TAFA2: variants seen among roughly 807,000 people sequenced by gnomAD.
TAFA2 encodes chemokine-like protein TAFA-2.
Under a neutral mutation model 18.8 loss-of-function variants are expected in TAFA2, and 7 were observed. The ratio of observed to expected loss-of-function variants is 0.37; its 90% confidence interval spans 0.21 to 0.70. The LOEUF (loss-of-function observed/expected upper bound fraction) is 0.70, where lower values mean the gene tolerates loss of function less well. Among genes scored for constraint, TAFA2 ranks in the 30% least tolerant of loss-of-function variants. TAFA2 has a pLI of 0.53. For synonymous variants in TAFA2, 60 were observed against 54.2 expected (o/e 1.11, Z -0.47); for missense variants, 122 against 158.1 (o/e 0.77, Z 1.23).
At chr12:61,981,444 C>T in intron 1 of TAFA2, among the ~76,000 whole-genome samples, 1 of 152,034 alleles carries the variant, frequency 6.6e-6, no homozygotes, top group East Asian at 1.9e-4. Flanking sequence ...GCAGTGAAAA[C>T]CAAAATAGAC....
At chr12:61,879,690 G>A in intron 1 of TAFA2, 1 of 1,096,106 alleles carries the variant, frequency 9.1e-7, no homozygotes, top group South Asian at 1.2e-5. Context: ...GAGGCCAAGT[G>A]GAGCCTCCTG....
chr12:61,831,626 C>T (rs1872723555), intron 2 of TAFA2, among the ~76,000 whole-genome samples: 1 of 152,042 alleles, frequency 6.6e-6, no homozygotes, highest in African/African-American at 2.4e-5. Flanking sequence ...GACTGGCTTT[C>T]CCCCAAATTG....
chr12:62,211,151 C>G (rs2062711520), intron 1 of TAFA2, among the ~76,000 whole-genome samples: 1 of 152,060 alleles, frequency 6.6e-6, no homozygotes, highest in Non-Finnish European at 1.5e-5. Flanking sequence ...CTTTGTCGAG[C>G]ACAATCTAAT....
chr12:61,779,924 A>G (rs551062657), intron 2 of TAFA2, among the ~76,000 whole-genome samples: 1 of 151,890 alleles, frequency 6.6e-6, no homozygotes, highest in South Asian at 2.1e-4. Flanking sequence ...TAATATCTCT[A>G]TTAATGAAGA....
At chr12:61,931,335 G>A (rs1006593426) in intron 1 of TAFA2, among the ~76,000 whole-genome samples, 1 of 152,126 alleles carries the variant, frequency 6.6e-6, no homozygotes, top group Non-Finnish European at 1.5e-5. Context: ...TATGACACAT[G>A]AAAATAATTT....
At chr12:61,727,168 A>G (rs7311455) in intron 4 of TAFA2, among the ~76,000 whole-genome samples, 11,559 of 151,944 alleles carry the variant, frequency 0.076, 1,412 homozygotes, top group African/African-American at 0.26. Context: ...ATGTTCATCA[A>G]GGATATTGAA....
chr12:61,861,628 T>C (rs1248942652), intron 2 of TAFA2, among the ~76,000 whole-genome samples: 3 of 152,104 alleles, frequency 2.0e-5, no homozygotes, highest in Non-Finnish European at 4.4e-5. Flanking sequence ...ATTTCACGGA[T>C]AGTTGGTTGG....
intron 1 of TAFA2, among the ~76,000 whole-genome samples, chr12:62,223,788 T>G (rs1242505012): frequency 6.6e-6 from 1 of 152,148 alleles, no homozygotes; most frequent in Non-Finnish European, 1.5e-5. Flanking sequence ...TTTATCAAGT[T>G]TTTAAATTTT....
At chr12:62,155,995 G>A (rs1277903584) in intron 1 of TAFA2, among the ~76,000 whole-genome samples, 1 of 152,196 alleles carries the variant, frequency 6.6e-6, no homozygotes, top group Non-Finnish European at 1.5e-5. Context: ...ACAGTCAGTA[G>A]AGTAAACAGA....
At chr12:62,241,969 G>A (rs1207752850) in intron 1 of TAFA2, among the ~76,000 whole-genome samples, 2 of 152,208 alleles carry the variant, frequency 1.3e-5, no homozygotes, top group Non-Finnish European at 2.9e-5. Context: ...GATGAAGATA[G>A]TTAAGAGAGT....
chr12:61,809,128 A>G (rs1402919012), intron 2 of TAFA2, among the ~76,000 whole-genome samples: 1 of 151,580 alleles, frequency 6.6e-6, no homozygotes, highest in East Asian at 1.9e-4. Flanking sequence ...GTGTGTGCAT[A>G]AAACAATGCC....
chr12:61,958,776 G>C (rs1878784334), intron 1 of TAFA2, among the ~76,000 whole-genome samples: 1 of 151,724 alleles, frequency 6.6e-6, no homozygotes, highest in Non-Finnish European at 1.5e-5. Flanking sequence ...TTCATACATA[G>C]GTTTTCAATT....
At chr12:61,982,875 G>GGAAAAAAA (rs1592529441) in intron 1 of TAFA2, among the ~76,000 whole-genome samples, 1 of 23,292 alleles carries the variant, frequency 4.3e-5, no homozygotes, top group Non-Finnish European at 1.4e-4. Context: ...CAAGTGGAAG[G>GGAAAAAAA]CAAAAAAAAA....
chr12:61,878,241 C>A (rs566243301), intron 1 of TAFA2: 4 of 350,338 alleles, frequency 1.1e-5, no homozygotes, highest in South Asian at 2.3e-5. Context: ...TGGTAATGTA[C>A]AACATTGTGA....
At chr12:61,825,348 C>T (rs1423700758) in intron 2 of TAFA2, among the ~76,000 whole-genome samples, 1 of 151,914 alleles carries the variant, frequency 6.6e-6, no homozygotes, top group Non-Finnish European at 1.5e-5. Flanking sequence ...AAGTTTAAAA[C>T]CTGGATTAAA....
At position 61,796,234 on chromosome 12, in the gene TAFA2, A is replaced by AT. The variant is rs1227722740; in HGVS notation, c.107-41211_107-41210insA. Among the ~76,000 whole-genome samples, 81 of 152,310 alleles carry AT rather than the reference A, an allele frequency of 5.3e-4. 1 individual carries two copies. The highest frequency in any genetic ancestry group is 1.9e-3 in the African/African-American group (78 of 41,588). ...TGCTAGAGAGATGATAGATAGATCT[A>AT]CATGCACATACACATTTTAACTCAA... On this transcript the variant is annotated intron_variant, in intron 2 of 4. Transcript: ENST00000416284.
intron 1 of TAFA2, among the ~76,000 whole-genome samples, chr12:62,237,211 AT>A (rs1257839310): frequency 6.6e-6 from 1 of 152,104 alleles, no homozygotes; most frequent in Non-Finnish European, 1.5e-5. Context: ...CTTTTTTCAC[AT>A]GATCCATTCT....
At chr12:61,964,441 C>T (rs1565698358) in intron 1 of TAFA2, among the ~76,000 whole-genome samples, 1 of 151,704 alleles carries the variant, frequency 6.6e-6, no homozygotes, top group Admixed American at 6.6e-5. Flanking sequence ...CCTCCATGAC[C>T]TGCTCTCTGA....
intron 1 of TAFA2, among the ~76,000 whole-genome samples, chr12:62,251,343 T>C (rs928760914): frequency 2.0e-5 from 3 of 152,106 alleles, no homozygotes; most frequent in African/African-American, 7.2e-5. Flanking sequence ...TGAAAAAGCA[T>C]AAGAAAGTGG....
Sources: gnomAD v4.1 joint callset for allele counts (sites outside exome capture counted in the v4.1 genomes callset) on GRCh38, gnomAD v4.1.1 for gene constraint, MANE v1.5 for transcripts, NCBI Gene and HGNC (gene_info 2026-07-23, HGNC 2026-07-21) for gene names.